IL1RAPL2: variants seen among roughly 807,000 people sequenced by gnomAD.
IL1RAPL2 encodes interleukin 1 receptor accessory protein like 2, also known as X-linked interleukin-1 receptor accessory protein-like 2.
IL1RAPL2 carries 3 observed loss-of-function variants against 44.1 expected under a neutral mutation model. The ratio of observed to expected loss-of-function variants is 0.07; its 90% CI spans 0.03 to 0.18. IL1RAPL2 has a LOEUF of 0.18. Ranked by LOEUF, IL1RAPL2 falls within the 10% of genes least tolerant of loss-of-function variation. The pLI is 1.00. For synonymous variants in IL1RAPL2, 181 were observed against 178.8 expected (o/e 1.01, Z -0.10); for missense variants, 391 against 496.4 (o/e 0.79, Z 2.02).
At chrX:105,398,630 A>G (rs1008829147) in intron 5 of IL1RAPL2, among the ~76,000 whole-genome samples, 1 of 111,646 alleles carries the variant, frequency 9.0e-6, no homozygotes, top group African/African-American at 3.2e-5. Flanking sequence ...GGCCTTGGAA[A>G]TGAACCAACA....
intron 2 of IL1RAPL2, among the ~76,000 whole-genome samples, chrX:105,083,994 C>G (rs1294591848): frequency 1.8e-5 from 2 of 112,348 alleles, no homozygotes; most frequent in South Asian, 7.3e-4. Context: ...AAGTCCCAAG[C>G]TTTGACAACT....
intron 1 of IL1RAPL2, among the ~76,000 whole-genome samples, chrX:104,607,384 C>T (rs756401913): frequency 2.1e-4 from 23 of 111,620 alleles, no homozygotes; most frequent in African/African-American, 5.8e-4. Flanking sequence ...CCAAAATTGA[C>T]GTGGGATCTG....
intron 5 of IL1RAPL2, among the ~76,000 whole-genome samples, chrX:105,401,928 C>T (rs1018021771): frequency 4.6e-5 from 5 of 109,720 alleles, no homozygotes; most frequent in African/African-American, 1.7e-4. Flanking sequence ...AATTAGCATA[C>T]ATTTTAAAGT....
At chrX:105,460,532 T>C (rs2036086428) in intron 5 of IL1RAPL2, among the ~76,000 whole-genome samples, 1 of 110,795 alleles carries the variant, frequency 9.0e-6, no homozygotes, top group Non-Finnish European at 1.9e-5. Context: ...ATTAATCACA[T>C]AAGCACGTAA....
At chrX:105,448,842 A>G (rs1289341764) in intron 5 of IL1RAPL2, among the ~76,000 whole-genome samples, 3 of 110,988 alleles carry the variant, frequency 2.7e-5, no homozygotes, top group Non-Finnish European at 5.7e-5. Context: ...ATTCTGATGC[A>G]TTCTTCAGCA....
chrX:105,215,810 T>C (rs935509456), intron 3 of IL1RAPL2, among the ~76,000 whole-genome samples: 8 of 111,600 alleles, frequency 7.2e-5, no homozygotes, highest in Admixed American at 1.9e-4. Flanking sequence ...GTTCAACATA[T>C]GCAAATCAAT....
chrX:105,705,274 G>A (rs2038156446), intron 6 of IL1RAPL2, among the ~76,000 whole-genome samples: 1 of 111,020 alleles, frequency 9.0e-6, no homozygotes, highest in Non-Finnish European at 1.9e-5. Flanking sequence ...ATATGTGTGT[G>A]TATGTGTGTG....
At chrX:105,712,253 A>G (rs888341455) in intron 6 of IL1RAPL2, among the ~76,000 whole-genome samples, 1 of 111,761 alleles carries the variant, frequency 8.9e-6, no homozygotes, top group African/African-American at 3.3e-5. Context: ...ACTTAACTCC[A>G]TCAAGACTTA....
chrX:105,202,536 G>A (rs1417911813), intron 3 of IL1RAPL2, among the ~76,000 whole-genome samples: 1 of 112,049 alleles, frequency 8.9e-6, no homozygotes, highest in Non-Finnish European at 1.9e-5. Context: ...CTCATTTCAT[G>A]CATTCTACTC....
intron 6 of IL1RAPL2, among the ~76,000 whole-genome samples, chrX:105,700,547 TG>T (rs1407496839): frequency 1.8e-5 from 2 of 111,718 alleles, no homozygotes; most frequent in Non-Finnish European, 3.8e-5. Context: ...TAAGTCTCAG[TG>T]GGACTTCATG....
intron 2 of IL1RAPL2, among the ~76,000 whole-genome samples, chrX:105,085,874 GAAAAT>G: frequency 8.9e-6 from 1 of 111,873 alleles, no homozygotes; most frequent in African/African-American, 3.2e-5. Context: ...GTAGGCTAGA[GAAAAT>G]AAAATGTTAT....
At chrX:104,644,062 C>T (rs1269930462) in intron 1 of IL1RAPL2, among the ~76,000 whole-genome samples, 1 of 111,147 alleles carries the variant, frequency 9.0e-6, no homozygotes, top group Non-Finnish European at 1.9e-5. Context: ...TATTGCCACG[C>T]AATTCTTGTT....
chrX:105,624,651 A>T (rs1345818520), intron 6 of IL1RAPL2, among the ~76,000 whole-genome samples: 1 of 111,370 alleles, frequency 9.0e-6, no homozygotes, highest in Non-Finnish European at 1.9e-5. Flanking sequence ...TACTGAGAGT[A>T]GGGTTGGTAA....
At chrX:105,505,691 A>T (rs1169251967) in intron 6 of IL1RAPL2, among the ~76,000 whole-genome samples, 1 of 111,709 alleles carries the variant, frequency 9.0e-6, no homozygotes, top group African/African-American at 3.3e-5. Context: ...GAGTAGTCTT[A>T]TCATGCCAAA....
intron 5 of IL1RAPL2, among the ~76,000 whole-genome samples, chrX:105,350,852 G>A (rs79727436): frequency 0.043 from 4,855 of 111,695 alleles, 298 homozygotes; most frequent in African/African-American, 0.15. Flanking sequence ...TACAGAATGG[G>A]AGAACATGTT....
At chrX:105,603,915 T>C (rs774368534) in intron 6 of IL1RAPL2, among the ~76,000 whole-genome samples, 1 of 111,259 alleles carries the variant, frequency 9.0e-6, no homozygotes, top group African/African-American at 3.3e-5. Context: ...CTTAACAACA[T>C]TGAGTCAATG....
At chrX:105,488,691 A>T (rs780085985) in intron 6 of IL1RAPL2, among the ~76,000 whole-genome samples, 1 of 112,117 alleles carries the variant, frequency 8.9e-6, no homozygotes, top group African/African-American at 3.2e-5. Context: ...ACGTTTTAGG[A>T]AATACTTGAG....
At chrX:104,611,961 A>G (rs978944235) in intron 1 of IL1RAPL2, among the ~76,000 whole-genome samples, 1 of 111,145 alleles carries the variant, frequency 9.0e-6, no homozygotes, top group African/African-American at 3.3e-5. Flanking sequence ...GACCATTTTA[A>G]AATGTTTCTT....
intron 5 of IL1RAPL2, among the ~76,000 whole-genome samples, chrX:105,431,940 C>T (rs181253651): frequency 9.1e-5 from 10 of 109,956 alleles, no homozygotes; most frequent in East Asian, 5.8e-4. Flanking sequence ...CTGTAATGGA[C>T]GCTTTGAATA....
Sources: gnomAD v4.1 joint callset for allele counts (sites outside exome capture counted in the v4.1 genomes callset) on GRCh38, gnomAD v4.1.1 for gene constraint, MANE v1.5 for transcripts, NCBI Gene and HGNC (gene_info 2026-07-23, HGNC 2026-07-21) for gene names.